The following TLE3 variants were observed in gnomAD, a reference collection of about 807,000 sequenced individuals.
The protein encoded by TLE3 is transducin-like enhancer protein 3.
A neutral mutation model predicts 93.0 loss-of-function variants in TLE3; 14 were observed. That is an observed-to-expected ratio of 0.15 (90% CI 0.10 to 0.24). The LOEUF (loss-of-function observed/expected upper bound fraction) is 0.24. TLE3 is among the 10% of genes least tolerant of loss of function. The pLI, the probability that TLE3 is intolerant of heterozygous loss-of-function variation, is 1.00. For synonymous variants in TLE3, 451 were observed against 425.0 expected, an observed-to-expected ratio of 1.06 and a Z score of -0.75; for missense variants, 693 against 1,046.6, an observed-to-expected ratio of 0.66 and a Z score of 4.66.
chr15:70,051,267 G>C (rs996924580), intron 19 of TLE3, 124 bp downstream of exon 19: 10 of 955,540 alleles, frequency 1.0e-5, no homozygotes, highest in Non-Finnish European at 1.4e-5. Flanking sequence ...GAGGGGACCA[G>C]GGCAGGTCTG....
At chr15:70,071,929 G>A (rs531739575) in intron 6 of TLE3, among the ~76,000 whole-genome samples, 13 of 152,322 alleles carry the variant, frequency 8.5e-5, no homozygotes, top group African/African-American at 3.1e-4. Flanking sequence ...TCCTCGAGGA[G>A]GAGATAAAGA....
chr15:70,074,407 A>G lies in TLE3; in HGVS notation c.372+126T>C, dbSNP rs2057337862. On this transcript the variant is annotated intron_variant, in intron 6 of 19. Coordinates refer to ENST00000451782, the MANE Select transcript of TLE3 (RefSeq NM_001105192.3). ...TCCAAGCCCTTGGGGTGCTTGTAGA[A>G]GCCGGAGCCCTGGGGCCGCCATTCT... 3 of 1,220,414 alleles carry G rather than the reference A, an allele frequency of 2.5e-6. No homozygotes were observed. The South Asian group carries it at 4.3e-5, about 17-fold the overall frequency. The allele number at this position is 1,220,414 out of a possible 1,614,324, so 75.6% of individuals were successfully genotyped here.
At chr15:70,092,852 G>C (rs1596029718) in intron 4 of TLE3, among the ~76,000 whole-genome samples, 3 of 152,108 alleles carry the variant, frequency 2.0e-5, no homozygotes, top group Admixed American at 2.0e-4. Flanking sequence ...CATGCAACGA[G>C]ACATTACACC....
At position 70,097,638 on chromosome 15, in the gene TLE3, G is replaced by A. The variant is rs1307561089; in HGVS notation, c.-840C>T. The stretch of plus-strand genomic sequence containing the variant: ...CCGAGGAGCGCTCAGCGCCACCGCC[G>A]CTGCCGCGTCGGAGCGCACAGGCAG... On this transcript the variant is annotated 5_prime_UTR_variant, in exon 1 of 20. Transcript: ENST00000451782. 2 of 398,184 alleles carry A rather than the reference G, an allele frequency of 5.0e-6. No homozygotes were observed. The highest frequency in any genetic ancestry group is 8.9e-6 in the Non-Finnish European group (2 of 225,780). The allele number at this position is 398,184 out of a possible 1,614,324, so 24.7% of individuals were successfully genotyped here.
intron 1 of TLE3, 53 bp downstream of exon 1, chr15:70,096,719 GCCT>G (rs763285865): frequency 1.9e-6 from 3 of 1,604,042 alleles, no homozygotes; most frequent in Admixed American, 3.4e-5. Context: ...CAGATAAACT[GCCT>G]CGTTTACCCT....
intron 8 of TLE3, among the ~76,000 whole-genome samples, chr15:70,061,055 G>A (rs1269661791): frequency 6.6e-6 from 1 of 152,152 alleles, no homozygotes; most frequent in Non-Finnish European, 1.5e-5. Context: ...ACTGAGTCTT[G>A]TAAGATGGAT....
intron 10 of TLE3, 27 bp downstream of exon 10, chr15:70,059,383 C>T (rs1437191783): frequency 6.2e-7 from 1 of 1,601,468 alleles, no homozygotes; most frequent in South Asian, 1.1e-5. Context: ...AAACCAAGAG[C>T]CCCCTTGCGA....
intron 2 of TLE3, 46 bp downstream of exon 2, chr15:70,096,114 GA>G (rs1567065508): frequency 6.8e-7 from 1 of 1,480,510 alleles, no homozygotes; most frequent in Non-Finnish European, 9.1e-7. Flanking sequence ...CCGCGCAGGG[GA>G]CCCACCCCTC....
chr15:70,067,484 A>AC (rs1368491672), intron 6 of TLE3, among the ~76,000 whole-genome samples: 1 of 151,884 alleles, frequency 6.6e-6, no homozygotes, highest in African/African-American at 2.4e-5. Context: ...GTCAACCACC[A>AC]CCCCTCATCC....
At chr15:70,092,519 TCA>T (rs1250692926) in intron 4 of TLE3, among the ~76,000 whole-genome samples, 1 of 152,184 alleles carries the variant, frequency 6.6e-6, no homozygotes, top group African/African-American at 2.4e-5. Context: ...CCCTGAAGCC[TCA>T]GTTTCCTCAC....
Position 70,050,231 on chromosome 15 carries a change from G to C in TLE3, c.2203-27C>G, listed in dbSNP as rs199711413. ...TGGAGGAGGAAGACGAGGAGAAGCA[G>C]CAGGAAGGCGTGGGGTGCAGGGAGA... On this transcript the variant is annotated intron_variant, in intron 19 of 19. Transcript: ENST00000451782. The C allele has an allele frequency of 6.3e-5, 99 of 1,568,564 alleles. No homozygotes were observed. In the African/African-American group the frequency reaches 1.2e-3, roughly 19 times the overall value.
At chr15:70,078,477 G>A (rs2057567156) in intron 4 of TLE3, among the ~76,000 whole-genome samples, 1 of 152,264 alleles carries the variant, frequency 6.6e-6, no homozygotes. Flanking sequence ...CAACAATAGA[G>A]CAGTGTCTGG....
At position 70,058,763 on chromosome 15, in the gene TLE3, A is replaced by G; in HGVS notation, c.818T>C (p.Leu273Pro). The change falls in exon 11 of 20, where the codon CTG (leucine) becomes CCG (proline). Residue 273 changes from leucine to proline, a missense_variant. Transcript: ENST00000451782. The surrounding 1 kb of genome is among the most constrained non-coding windows in gnomAD (Gnocchi z 4.1). ...SPAHSPPENG[L>P]DKARSLKKDA... The stretch of plus-strand genomic sequence containing the variant: ...TTTTTTCAGGCTACGGGCCTTGTCC[A>G]GCCCATTTTCAGGAGGGGAGTGTGC... The G allele has an allele frequency of 6.2e-7, 1 of 1,610,008 alleles. No homozygotes were observed. Among genetic ancestry groups the G allele is most frequent in the Non-Finnish European group, 8.5e-7 (1 of 1,178,296 alleles).
At chr15:70,094,469 A>C in intron 4 of TLE3, 63 bp downstream of exon 4, 1 of 1,251,738 alleles carries the variant, frequency 8.0e-7, no homozygotes, top group Non-Finnish European at 1.1e-6. Flanking sequence ...AGAGAACATA[A>C]GAAGTCCACA....
chr15:70,096,707 G>T (rs933581177), intron 1 of TLE3, 68 bp downstream of exon 1: 9 of 1,593,582 alleles, frequency 5.6e-6, no homozygotes, highest in Non-Finnish European at 6.8e-6. Flanking sequence ...AAATGGAGGT[G>T]CCAGATAAAC....
intron 3 of TLE3, 44 bp from the exon 4 acceptor site, chr15:70,094,620 T>C: frequency 7.1e-7 from 1 of 1,406,542 alleles, no homozygotes; most frequent in South Asian, 1.3e-5. Flanking sequence ...CACAGAAATC[T>C]GGTCATTTTT....
In TLE3 at chr15:70,076,239, CT is replaced by C. The variant is rs982721819; in HGVS notation, c.235-82del. The C allele has an allele frequency of 5.4e-6, 6 of 1,101,062 alleles. No homozygotes were observed. In the Admixed American group the frequency reaches 5.8e-5, roughly 11 times the overall value. The allele number at this position is 1,101,062 out of a possible 1,614,324, so 68.2% of individuals were successfully genotyped here. Reference sequence around the variant, plus strand: ...TGTCATAGGCAAGTGGAAATGCAAACTCCCCCCAGACCACAGCCCCTCTCCA... The same window carrying C: ...TGTCATAGGCAAGTGGAAATGCAAACCCCCCCAGACCACAGCCCCTCTCCA... On this transcript the variant is annotated intron_variant, in intron 4 of 19. Transcript: ENST00000451782.
rs777121473 is a variant in TLE3, at chr15:70,058,237, C to T, written c.973G>A (p.Asp325Asn). Residue 325 changes from aspartate to asparagine, a missense_variant, in exon 12 of 20, where the codon GAC becomes AAC. This residue lies in a region of TLE3 where 405 missense variants were observed against 468.9 expected (regional missense o/e 0.86). Transcript: ENST00000451782. The surrounding 1 kb of genome is among the most constrained non-coding windows in gnomAD (Gnocchi z 4.1). ...LKSNTPTPRN[D>N]APTPGTSTTP... The stretch of plus-strand genomic sequence containing the variant: ...GTGCTGGTGCCTGGAGTTGGGGCGT[C>T]GTTCCTTGGGGTTGGTGTGTTGGAC... 33 of 1,613,380 alleles carry T rather than the reference C, an allele frequency of 2.0e-5. No individual in the cohort carries two copies. The highest frequency in any genetic ancestry group is 1.7e-6 in the Non-Finnish European group (2 of 1,179,724).
At chr15:70,062,210 C>T (rs1484431353) in intron 8 of TLE3, among the ~76,000 whole-genome samples, 1 of 152,356 alleles carries the variant, frequency 6.6e-6, no homozygotes, top group East Asian at 1.9e-4. Flanking sequence ...TCCCCACAGC[C>T]GTGCAGGAGC....
Sources: gnomAD v4.1 joint callset for allele counts (sites outside exome capture counted in the v4.1 genomes callset) on GRCh38, gnomAD v4.1.1 for gene constraint, gnomAD v4.1.1 regional missense constraint, Gnocchi (gnomAD v3.1) non-coding constraint, MANE v1.5 for transcripts, NCBI Gene and HGNC (gene_info 2026-07-23, HGNC 2026-07-21) for gene names.